NAALADL2: variants seen among roughly 807,000 people sequenced by gnomAD.
NAALADL2 encodes N-acetylated alpha-linked acidic dipeptidase like 2.
In NAALADL2, 76 loss-of-function variants were observed where a neutral mutation model predicts 87.2. The observed-to-expected ratio is 0.87, with a 90% CI of 0.72 to 1.05. The LOEUF (loss-of-function observed/expected upper bound fraction) is 1.05, where lower values mean the gene tolerates loss of function less well. Ranked by LOEUF, NAALADL2 falls within the 50% of genes least tolerant of loss-of-function variation. The pLI is 0.00. For synonymous variants in NAALADL2, 354 were observed against 331.0 expected, an observed-to-expected ratio of 1.07 and a Z score of -0.75; for missense variants, 1,089 against 945.8, an observed-to-expected ratio of 1.15 and a Z score of -1.99.
chr3:174,853,889 G>T (rs1725559406), intron 3 of NAALADL2, among the ~76,000 whole-genome samples: 1 of 152,150 alleles, frequency 6.6e-6, no homozygotes, highest in African/African-American at 2.4e-5. Context: ...ATGGATGCTG[G>T]TATGGATGTG....
rs866706150 is a variant in NAALADL2, at chr3:174,589,921, T to C, written c.-115+39284T>C. ...ATGCCATAAATAAAACATCCTGTTA[T>C]TTCTTTCATTTAAAGGTGTGTTCTT... On this transcript the variant is annotated intron_variant, in intron 2 of 3. Transcript: ENST00000434257. Among the ~76,000 whole-genome samples the C allele has an allele frequency of 7.9e-5, 12 of 151,910 alleles. No individual in the cohort carries two copies. The South Asian group carries it at 1.2e-3, about 16-fold the overall frequency.
Position 175,097,222 on chromosome 3 carries a change from C to G in NAALADL2, c.476C>G (p.Thr159Arg). The change falls in exon 2 of 14, where the codon ACA becomes AGA. Residue 159 changes from threonine to arginine, a missense_variant. Coordinates refer to ENST00000454872, the MANE Select transcript of NAALADL2 (RefSeq NM_207015.3). ...NCPSDAPSSG[T>R]VDPQLYQEIL... is the part of the protein sequence containing the mutation. ...CCTTCAGATGCTCCATCTTCAGGAACAGTTGATCCTCAGTTATATCAAGAG... is the reference window on the plus strand; with the variant it reads ...CCTTCAGATGCTCCATCTTCAGGAAGAGTTGATCCTCAGTTATATCAAGAG... The G allele has an allele frequency of 6.2e-7, 1 of 1,612,984 alleles. No homozygotes were observed. The highest frequency in any genetic ancestry group is 8.5e-7 in the Non-Finnish European group (1 of 1,179,092).
rs527882943 is a variant in NAALADL2, at chr3:174,896,000, T to TA, written c.43+36559dup. On this transcript the variant is annotated intron_variant, in intron 1 of 13. Coordinates refer to ENST00000454872, the MANE Select transcript of NAALADL2 (RefSeq NM_207015.3). ...TGATAAATTTAACATCGTTACATGA[T>TA]AAAAAAAAATCTTAAAAAACTGGGT... 5.1e-4 allele frequency among the ~76,000 whole-genome samples: 77 copies of TA among 151,554 alleles called. No homozygotes were observed. In the Middle Eastern group the frequency reaches 0.014, roughly 27 times the overall value.
rs561994887 is a variant in NAALADL2, at chr3:175,111,626, G to T, written c.545+14335G>T. ...GTTTTCATTTGCTCCTGAGTTAGTT[G>T]TACCCTAAAGCAAAGGCTCAGACTT... On this transcript the variant is annotated intron_variant, in intron 2 of 13. Transcript: ENST00000454872. Among the ~76,000 whole-genome samples, 12 of 151,732 alleles carry T rather than the reference G, an allele frequency of 7.9e-5. 1 individual carries two copies. In the Admixed American group the frequency reaches 7.9e-4, roughly 10 times the overall value.
At chr3:174,631,145 A>G (rs910163389) in intron 2 of NAALADL2, among the ~76,000 whole-genome samples, 1 of 152,182 alleles carries the variant, frequency 6.6e-6, no homozygotes, top group Non-Finnish European at 1.5e-5. Flanking sequence ...TATGTGGTCA[A>G]ATCCTGCTTC....
At chr3:175,612,390 C>T (rs555320378) in intron 10 of NAALADL2, among the ~76,000 whole-genome samples, 6 of 152,238 alleles carry the variant, frequency 3.9e-5, no homozygotes, top group African/African-American at 9.6e-5. Flanking sequence ...GCTGTTGTTC[C>T]TGGTTTCATT....
chr3:175,462,461 T>C (rs907345431), intron 6 of NAALADL2, among the ~76,000 whole-genome samples: 1 of 152,164 alleles, frequency 6.6e-6, no homozygotes. Context: ...GGGAAAGAAG[T>C]AATATATTTA....
intron 1 of NAALADL2, among the ~76,000 whole-genome samples, chr3:174,542,429 G>C (rs1419824686): frequency 1.3e-5 from 2 of 152,202 alleles, no homozygotes; most frequent in African/African-American, 4.8e-5. Flanking sequence ...CTAAAGGCAA[G>C]ATGTCTTTAT....
At chr3:175,557,670 C>G (rs1715514587) in intron 9 of NAALADL2, among the ~76,000 whole-genome samples, 1 of 152,026 alleles carries the variant, frequency 6.6e-6, no homozygotes, top group Non-Finnish European at 1.5e-5. Context: ...TCTTTCTGTG[C>G]CTGGCTTATT....
rs116093567 is a variant in NAALADL2 at position 175,670,019 on chromosome 3, G to A, written c.1896+42633G>A. Among the ~76,000 whole-genome samples, 430 of 152,048 alleles carry A rather than the reference G, an allele frequency of 2.8e-3. 2 individuals carry two copies. The highest frequency in any genetic ancestry group is 9.9e-3 in the African/African-American group (410 of 41,516). ...TGTAGGAATAATAGCAAACACAAAT[G>A]TAGAGCTTACTGAATATCAGGAACT... On this transcript the variant is annotated intron_variant, in intron 11 of 13. Coordinates refer to ENST00000454872, the MANE Select transcript of NAALADL2 (RefSeq NM_207015.3).
intron 1 of NAALADL2, among the ~76,000 whole-genome samples, chr3:175,001,075 A>G (rs967345956): frequency 5.3e-5 from 8 of 152,298 alleles, no homozygotes; most frequent in Non-Finnish European, 8.8e-5. Flanking sequence ...TTTCCCAGAC[A>G]GGAGACTTTC....
intron 1 of NAALADL2, among the ~76,000 whole-genome samples, chr3:174,507,623 A>G (rs1419151362): frequency 7.5e-6 from 1 of 133,508 alleles, no homozygotes; most frequent in Non-Finnish European, 1.8e-5. Flanking sequence ...TTTCTACACA[A>G]CAGTTTTTAG....
chr3:175,795,981 A>G (rs898247301), intron 13 of NAALADL2, among the ~76,000 whole-genome samples: 2 of 151,326 alleles, frequency 1.3e-5, no homozygotes, highest in Non-Finnish European at 2.9e-5. Flanking sequence ...GAAAACCTCT[A>G]CTGACCAGAT....
intron 11 of NAALADL2, among the ~76,000 whole-genome samples, chr3:175,694,142 C>A (rs1401862055): frequency 1.3e-5 from 2 of 152,046 alleles, no homozygotes; most frequent in South Asian, 4.1e-4. Context: ...GCTATTGTCT[C>A]TACAACGTCA....
chr3:175,185,633 T>C (rs991480913), intron 2 of NAALADL2, among the ~76,000 whole-genome samples: 5 of 151,684 alleles, frequency 3.3e-5, no homozygotes, highest in Non-Finnish European at 5.9e-5. Context: ...AGAATAGTGG[T>C]TATCTTTGAT....
intron 1 of NAALADL2, among the ~76,000 whole-genome samples, chr3:174,530,439 C>G (rs1412702515): frequency 2.6e-5 from 4 of 152,150 alleles, no homozygotes; most frequent in African/African-American, 4.8e-5. Flanking sequence ...CAAACTGTTC[C>G]AACCGCTTCC....
chr3:174,899,618 G>A (rs565841387), intron 1 of NAALADL2, among the ~76,000 whole-genome samples: 30 of 152,240 alleles, frequency 2.0e-4, no homozygotes, highest in Admixed American at 9.2e-4. Context: ...GCAGATACTA[G>A]CATCGTGATT....
At position 175,006,192 on chromosome 3, in the gene NAALADL2, G is replaced by A. The variant is rs1748998437; in HGVS notation, c.44-90598G>A. ...ACCTAAAATCCCCCATTTCTATGAA[G>A]CTTTCCAAGAGGACTCCAGTCATTC... On this transcript the variant is annotated intron_variant, in intron 1 of 13. Transcript: ENST00000454872. Among the ~76,000 whole-genome samples the A allele has an allele frequency of 2.6e-5, 4 of 152,088 alleles. No individual in the cohort carries two copies. The South Asian group carries it at 8.3e-4, about 31-fold the overall frequency.
At position 174,616,142 on chromosome 3, in the gene NAALADL2, G is replaced by T. The variant is rs572601557; in HGVS notation, c.-115+65505G>T. ...TAGAGTATTTTTAGAGTGGTCACAGGGTCTTAAACACAATCGTTGATGTTG... is the reference window on the plus strand; with the variant it reads ...TAGAGTATTTTTAGAGTGGTCACAGTGTCTTAAACACAATCGTTGATGTTG... On this transcript the variant is annotated intron_variant, in intron 2 of 3. Transcript: ENST00000434257. 2.0e-5 allele frequency among the ~76,000 whole-genome samples: 3 copies of T among 151,642 alleles called. No homozygotes were observed. In the East Asian group the frequency reaches 5.8e-4, roughly 29 times the overall value.
Sources: gnomAD v4.1 joint callset for allele counts (sites outside exome capture counted in the v4.1 genomes callset) on GRCh38, gnomAD v4.1.1 for gene constraint, MANE v1.5 for transcripts, NCBI Gene and HGNC (gene_info 2026-07-23, HGNC 2026-07-21) for gene names.